DNAJC13: variants seen among roughly 807,000 people sequenced by gnomAD.
DNAJC13 encodes dnaJ homolog subfamily C member 13.
In DNAJC13, 75 loss-of-function variants were observed where a neutral mutation model predicts 290.5. The observed-to-expected ratio is 0.26, with a 90% CI of 0.21 to 0.31. The LOEUF (loss-of-function observed/expected upper bound fraction) is 0.31. Ranked by LOEUF, DNAJC13 falls within the 10% of genes least tolerant of loss-of-function variation. The pLI is 1.00. For missense variants in DNAJC13, 2,260 were observed against 2,674.5 expected (o/e 0.85, Z 3.42); for synonymous variants, 862 against 892.0 (o/e 0.97, Z 0.60).
At chr3:132,521,574 T>G (rs1291433732) in intron 48 of DNAJC13, among the ~76,000 whole-genome samples, 1 of 152,186 alleles carries the variant, frequency 6.6e-6, no homozygotes, top group East Asian at 1.9e-4. Flanking sequence ...TTTAGGTGCT[T>G]CTTTGACATG....
At chr3:132,520,589 C>T (rs1242235519) in intron 48 of DNAJC13, among the ~76,000 whole-genome samples, 7 of 152,054 alleles carry the variant, frequency 4.6e-5, no homozygotes, top group African/African-American at 1.4e-4. Context: ...CTCAGAAATC[C>T]GATAGGAAGA....
intron 13 of DNAJC13, 45 bp from the exon 14 acceptor site, chr3:132,460,205 G>A (rs1933743248): frequency 7.7e-7 from 1 of 1,305,490 alleles, no homozygotes; most frequent in Non-Finnish European, 1.1e-6. Context: ...GCTAGCACAT[G>A]GGACTGCTTA....
chr3:132,506,344 G>T (rs1032248662), intron 42 of DNAJC13, among the ~76,000 whole-genome samples: 2 of 151,488 alleles, frequency 1.3e-5, no homozygotes, highest in African/African-American at 4.8e-5. Flanking sequence ...GAGTCACCGC[G>T]CCCGGCCTTC....
chr3:132,477,709 A>G, intron 22 of DNAJC13, 80 bp from the exon 23 acceptor site: 1 of 972,210 alleles, frequency 1.0e-6, no homozygotes, highest in Non-Finnish European at 1.6e-6. Flanking sequence ...TTGAACAGAA[A>G]GAACTATAAG....
Position 132,496,548 on chromosome 3 carries a change from T to C in DNAJC13, c.4041T>C (p.Asn1347=), listed in dbSNP as rs1198033138. The C allele has an allele frequency of 7.5e-6, 12 of 1,602,332 alleles. No homozygotes were observed. The highest frequency in any genetic ancestry group is 1.7e-5 in the Admixed American group (1 of 58,302). The part of the protein sequence containing the change: ...PEGRDMFEKV[N]KAYEFLCTKS... ...TACAGGACATGTTTGAAAAAGTAAATAAAGCATATGAATTTTTATGTACCA... is the reference window on the plus strand; with the variant it reads ...TACAGGACATGTTTGAAAAAGTAAACAAAGCATATGAATTTTTATGTACCA... The change falls in exon 36 of 56, where the codon AAT becomes AAC. Residue 1347 remains asparagine (N), a synonymous_variant. Transcript: ENST00000260818.
In DNAJC13 at chr3:132,507,282, C is replaced by G; in HGVS notation, c.5044C>G (p.His1682Asp). 1 of 1,613,416 alleles carries G rather than the reference C, an allele frequency of 6.2e-7. No homozygotes were observed. The highest frequency in any genetic ancestry group is 8.5e-7 in the Non-Finnish European group (1 of 1,179,566). The change falls in exon 43 of 56, where the codon CAT becomes GAT. Residue 1682 changes from histidine to aspartate, a missense_variant. His to Asp is a moderately conservative substitution (Grantham distance 81). Coordinates refer to ENST00000260818, the MANE Select transcript of DNAJC13 (RefSeq NM_015268.4). Reference protein sequence around the residue: ...TYGSEFVYSDHAKELIVGEIF... With the variant: ...TYGSEFVYSDDAKELIVGEIF... ...TGGATCAGAATTTGTCTACAGTGAT[C>G]ATGCCAAAGAACTTATTGTAGGGGA... is the stretch of plus-strand genomic sequence containing the variant.
In DNAJC13 at chr3:132,538,307, C is replaced by T. The variant is rs1264392523; in HGVS notation, c.*25C>T. ...AAATATTCACGAGAGACAATAAACG[C>T]TGAAAGGCCAGTGCCAAGTCCACAT... On this transcript the variant is annotated 3_prime_UTR_variant, in exon 56 of 56. Transcript: ENST00000260818. 6.3e-7 allele frequency: 1 copy of T among 1,591,146 alleles called. No individual in the cohort carries two copies. Among genetic ancestry groups the T allele is most frequent in the Non-Finnish European group, 8.6e-7 (1 of 1,162,146 alleles).
At chr3:132,460,970 A>G (rs1933777804) in intron 14 of DNAJC13, 80 bp from the exon 15 acceptor site, 4 of 1,341,984 alleles carry the variant, frequency 3.0e-6, no homozygotes, top group Non-Finnish European at 4.1e-6. Context: ...AGAATAACAG[A>G]AAGGAACACA....
chr3:132,436,585 C>T (rs975998473), intron 2 of DNAJC13, among the ~76,000 whole-genome samples: 43 of 152,178 alleles, frequency 2.8e-4, no homozygotes, highest in Non-Finnish European at 8.8e-5. Context: ...CTCTGTTTAA[C>T]TTTTTGATGA....
intron 22 of DNAJC13, among the ~76,000 whole-genome samples, chr3:132,476,661 C>T (rs1205916385): frequency 6.6e-6 from 1 of 152,184 alleles, no homozygotes; most frequent in East Asian, 1.9e-4. Flanking sequence ...TATCCTACTC[C>T]TCCCTCTCTC....
chr3:132,488,059 T>G (rs1934939090), intron 29 of DNAJC13, among the ~76,000 whole-genome samples: 1 of 152,138 alleles, frequency 6.6e-6, no homozygotes, highest in Admixed American at 6.5e-5. Flanking sequence ...GCTTCAGGCA[T>G]GTTTGGGCTT....
chr3:132,420,287 A>G (rs1008791201), intron 1 of DNAJC13, among the ~76,000 whole-genome samples: 1 of 152,244 alleles, frequency 6.6e-6, no homozygotes, highest in African/African-American at 2.4e-5. Context: ...TAAGAGGGTC[A>G]AGAAACTGCT....
chr3:132,509,980 T>C (rs1158521650), intron 43 of DNAJC13, among the ~76,000 whole-genome samples: 1 of 152,222 alleles, frequency 6.6e-6, no homozygotes, highest in African/African-American at 2.4e-5. Context: ...CAAATGCTTG[T>C]GATGGGGTGA....
At chr3:132,433,199 C>T (rs1325715904) in intron 1 of DNAJC13, among the ~76,000 whole-genome samples, 1 of 152,122 alleles carries the variant, frequency 6.6e-6, no homozygotes, top group Non-Finnish European at 1.5e-5. Context: ...TTTTAGATTT[C>T]TTACTGTGGA....
intron 48 of DNAJC13, among the ~76,000 whole-genome samples, chr3:132,518,643 A>G (rs1253416542): frequency 6.6e-6 from 1 of 152,164 alleles, no homozygotes; most frequent in Non-Finnish European, 1.5e-5. Flanking sequence ...AGGGTGAGCC[A>G]GTGTGTCTGG....
At chr3:132,471,093 G>A (rs1167453069) in intron 20 of DNAJC13, among the ~76,000 whole-genome samples, 5 of 133,580 alleles carry the variant, frequency 3.7e-5, no homozygotes, top group Admixed American at 7.1e-5. Context: ...CCTCCCGGAC[G>A]GGGCGGCTGG....
chr3:132,504,934 T>C (rs970587695), intron 41 of DNAJC13, among the ~76,000 whole-genome samples: 1 of 152,222 alleles, frequency 6.6e-6, no homozygotes, highest in African/African-American at 2.4e-5. Context: ...AAAGGTATTA[T>C]GTTGTGATTC....
chr3:132,471,239 G>A (rs1934236944), intron 20 of DNAJC13, among the ~76,000 whole-genome samples: 1 of 138,054 alleles, frequency 7.2e-6, no homozygotes, highest in African/African-American at 2.7e-5. Context: ...TGGCCGGGCG[G>A]GGGGCTGACC....
intron 4 of DNAJC13, 29 bp from the exon 5 acceptor site, chr3:132,447,869 A>T: frequency 6.3e-7 from 1 of 1,594,718 alleles, no homozygotes; most frequent in Non-Finnish European, 8.6e-7. Context: ...GTCTGTTGTC[A>T]TAAACTGTGG....
Sources: gnomAD v4.1 joint callset for allele counts (sites outside exome capture counted in the v4.1 genomes callset) on GRCh38, gnomAD v4.1.1 for gene constraint, MANE v1.5 for transcripts, NCBI Gene and HGNC (gene_info 2026-07-23, HGNC 2026-07-21) for gene names.